Variants in COMMD2 observed in about 807,000 individuals in gnomAD.
COMMD2 encodes COMM domain-containing protein 2.
COMMD2 carries 25 observed loss-of-function variants against 22.5 expected under a neutral mutation model. The ratio of observed to expected loss-of-function variants is 1.11; its 90% CI spans 0.81 to 1.55. The LOEUF (loss-of-function observed/expected upper bound fraction) is 1.55, where lower values mean the gene tolerates loss of function less well. Ranked by LOEUF, COMMD2 falls within the 40% of genes most tolerant of loss-of-function variation. The probability of loss-of-function intolerance (pLI) is 0.00; values close to 1 mark genes in which losing one functional copy is unlikely to be tolerated. For missense variants in COMMD2, 223 were observed against 232.9 expected, an observed-to-expected ratio of 0.96 and a Z score of 0.28; for synonymous variants, 98 against 91.2, an observed-to-expected ratio of 1.07 and a Z score of -0.42.
At chr3:149,752,118 G>T in intron 2 of COMMD2, 92 bp downstream of exon 2, 1 of 1,043,168 alleles carries the variant, frequency 9.6e-7, no homozygotes, top group Non-Finnish European at 1.4e-6. Context: ...CAAGACCCTA[G>T]GACTCGCAAT....
intron 4 of COMMD2, among the ~76,000 whole-genome samples, chr3:149,743,973 A>G (rs928692049): frequency 3.9e-5 from 6 of 152,172 alleles, no homozygotes; most frequent in Non-Finnish European, 7.3e-5. Context: ...CTATTCTTTA[A>G]CAGTTCTAGA....
chr3:149,749,220 T>A (rs920686639), intron 4 of COMMD2, among the ~76,000 whole-genome samples: 3 of 152,288 alleles, frequency 2.0e-5, no homozygotes, highest in African/African-American at 7.2e-5. Context: ...GCCAGGCCGG[T>A]CTCGAACTCC....
chr3:149,743,029 G>A (rs754531034), intron 4 of COMMD2, among the ~76,000 whole-genome samples: 6 of 151,832 alleles, frequency 4.0e-5, no homozygotes, highest in East Asian at 1.9e-4. Context: ...TCAGGATAAC[G>A]GTTTCCTTCA....
In COMMD2 at chr3:149,751,487, T is replaced by C; in HGVS notation, c.146-2A>G. 1 of 1,584,286 alleles carries C rather than the reference T, an allele frequency of 6.3e-7. No individual in the cohort carries two copies. The highest frequency in any genetic ancestry group is 8.6e-7 in the Non-Finnish European group (1 of 1,165,978). ...TGTCACTACTCACATTGAGTTTTCC[T>C]GAGAAAGAAAAGTAAAAACGAGCAA... is the stretch of plus-strand genomic sequence containing the variant. On this transcript the variant is annotated splice_acceptor_variant, in intron 2 of 4. Transcript: ENST00000473414. LOFTEE classifies it high-confidence loss of function.
chr3:149,749,564 G>C (rs1716472102), intron 4 of COMMD2, among the ~76,000 whole-genome samples: 1 of 152,150 alleles, frequency 6.6e-6, no homozygotes, highest in Non-Finnish European at 1.5e-5. Flanking sequence ...TTTCTGTAAA[G>C]CTCCCCAGGT....
rs915135148 is a variant in COMMD2, at chr3:149,738,485, G to A, written c.*3036C>T. 10 of 151,740 alleles carry A rather than the reference G, an allele frequency of 6.6e-5. No homozygotes were observed. Among genetic ancestry groups the A allele is most frequent in the African/African-American group, 2.4e-4 (10 of 41,288 alleles). The allele number at this position is 151,740 out of a possible 1,614,324, so 9.4% of individuals were successfully genotyped here. A position where few individuals can be genotyped will look rare whatever the true frequency, so the allele number is the denominator to read the frequency against. On this transcript the variant is annotated 3_prime_UTR_variant, in exon 5 of 5. Transcript: ENST00000473414. ...AGTCTACAAAACTATTTCAATAATG[G>A]TAAACATTTATTGAGTTCTTTGTAA...
chr3:149,750,196 T>C (rs1419985278), intron 4 of COMMD2: 2 of 185,360 alleles, frequency 1.1e-5, no homozygotes, highest in African/African-American at 4.7e-5. Context: ...AGTCATTCCA[T>C]ATATACAAAG....
intron 4 of COMMD2, among the ~76,000 whole-genome samples, chr3:149,745,748 C>T (rs968199706): frequency 7.9e-5 from 12 of 152,224 alleles, no homozygotes; most frequent in African/African-American, 2.9e-4. Flanking sequence ...TATTCTCTCT[C>T]TATGCCACCC....
rs1716536133 is a variant in COMMD2, at chr3:149,751,665, G to T, written c.146-180C>A. On this transcript the variant is annotated intron_variant, in intron 2 of 4. Transcript: ENST00000473414. ...TTCCACTCCCAGCCAAATGCCTTTG[G>T]TATTTCCCACCAAGTAACCTTAACA... 9.7e-6 allele frequency: 5 copies of T among 515,664 alleles called. No individual in the cohort carries two copies. In the East Asian group the frequency reaches 1.7e-4, roughly 17 times the overall value. The allele number at this position is 515,664 out of a possible 1,614,324, so 31.9% of individuals were successfully genotyped here. A position where few individuals can be genotyped will look rare whatever the true frequency, so the allele number is the denominator to read the frequency against.
Position 149,739,344 on chromosome 3 carries a change from T to C in COMMD2, c.*2177A>G, listed in dbSNP as rs1233870104. 1 of 152,218 alleles carries C rather than the reference T, an allele frequency of 6.6e-6. No homozygotes were observed. Among genetic ancestry groups the C allele is most frequent in the Non-Finnish European group, 1.5e-5 (1 of 68,038 alleles). The allele number at this position is 152,218 out of a possible 1,614,324, so 9.4% of individuals were successfully genotyped here. On this transcript the variant is annotated 3_prime_UTR_variant, in exon 5 of 5. Transcript: ENST00000473414. ...AAAAAAAAGGAAGAGGCTTATTCAA[T>C]GGCTTGTACTAAAAGATAAGCCCCA...
intron 4 of COMMD2, among the ~76,000 whole-genome samples, chr3:149,748,236 G>A (rs770749115): frequency 6.6e-6 from 1 of 152,176 alleles, no homozygotes; most frequent in African/African-American, 2.4e-5. Context: ...AAGACAAGTG[G>A]AGCAAGTGGG....
chr3:149,750,483 T>C lies in COMMD2; in HGVS notation c.402+195A>G, dbSNP rs373071892. 44 of 561,742 alleles carry C rather than the reference T, an allele frequency of 7.8e-5. No homozygotes were observed. In the South Asian group the frequency reaches 8.7e-4, roughly 11 times the overall value. The allele number at this position is 561,742 out of a possible 1,614,324, so 34.8% of individuals were successfully genotyped here. The stretch of plus-strand genomic sequence containing the variant: ...GAAAATAACCAATTTCTTACAAACT[T>C]TGCAAATTAAACTGATTTGAACACA... On this transcript the variant is annotated intron_variant, in intron 4 of 4. Transcript: ENST00000473414.
At chr3:149,750,497 G>T in intron 4 of COMMD2, 181 bp downstream of exon 4, 1 of 547,310 alleles carries the variant, frequency 1.8e-6, no homozygotes, top group Non-Finnish European at 3.3e-6. Context: ...AAATTAAACT[G>T]ATTTGAACAC....
intron 4 of COMMD2, among the ~76,000 whole-genome samples, chr3:149,747,745 TG>T (rs1716419069): frequency 6.6e-6 from 1 of 152,088 alleles, no homozygotes; most frequent in Admixed American, 6.5e-5. Context: ...GAGACCAGCC[TG>T]GCCAACGTGG....
At chr3:149,745,956 T>G (rs1156457551) in intron 4 of COMMD2, among the ~76,000 whole-genome samples, 1 of 152,220 alleles carries the variant, frequency 6.6e-6, no homozygotes, top group Non-Finnish European at 1.5e-5. Context: ...TTACTGGCTT[T>G]TATTTCTATT....
intron 4 of COMMD2, chr3:149,750,332 A>T (rs1452255642): frequency 4.8e-6 from 2 of 420,844 alleles, no homozygotes; most frequent in Admixed American, 5.6e-5. Context: ...AGTTAAATGC[A>T]CCATGTGATA....
intron 4 of COMMD2, among the ~76,000 whole-genome samples, chr3:149,749,279 C>T (rs77199422): frequency 1.3e-5 from 2 of 152,184 alleles, no homozygotes; most frequent in African/African-American, 2.4e-5. Context: ...GCTGAGCCAC[C>T]GTGCATGGCC....
At chr3:149,748,261 G>A (rs902755356) in intron 4 of COMMD2, among the ~76,000 whole-genome samples, 9 of 152,186 alleles carry the variant, frequency 5.9e-5, no homozygotes, top group African/African-American at 2.2e-4. Context: ...CATACAGGCT[G>A]AAAGATGTGG....
chr3:149,751,937 T>C, intron 2 of COMMD2: 2 of 405,508 alleles, frequency 4.9e-6, no homozygotes, highest in Non-Finnish European at 8.8e-6. Context: ...TTTGGTATAT[T>C]TATACAAAAC....
Sources: allele counts gnomAD v4.1 joint callset (sites outside exome capture counted in the v4.1 genomes callset), GRCh38; gene constraint gnomAD v4.1.1; transcripts MANE v1.5; gene names NCBI Gene and HGNC (gene_info 2026-07-23, HGNC 2026-07-21).